The following PAN3 variants were observed in gnomAD, a reference collection of about 807,000 sequenced individuals.
PAN3 encodes poly(A) specific ribonuclease subunit PAN3.
A neutral mutation model predicts 96.2 loss-of-function variants in PAN3; 19 were observed. The observed-to-expected ratio is 0.20, with a 90% CI of 0.14 to 0.29. The LOEUF (loss-of-function observed/expected upper bound fraction) is 0.29, where lower values mean the gene tolerates loss of function less well. PAN3 is among the 10% of genes least tolerant of loss of function. The pLI is 1.00. For synonymous variants in PAN3, 433 were observed against 406.6 expected (o/e 1.06, Z -0.78); for missense variants, 882 against 1,108.1 (o/e 0.80, Z 2.90).
chr13:28,220,285 C>G lies in PAN3; in HGVS notation c.907C>G (p.Leu303Val). ...TCCTAAAGGAGGATCAACCTCCAGG[C>G]TGAGTAACGTGTCCCAGTCAAATAT... ...FIPKGGSTSR[L>V]SNVSQSNMSA... Residue 303 changes from leucine (L) to valine (V), a missense_variant, in exon 6 of 19, where the codon CTG (leucine) becomes GTG (valine). Leu to Val is a conservative substitution (Grantham distance 32, BLOSUM62 1). Coordinates refer to ENST00000380958, the MANE Select transcript of PAN3 (RefSeq NM_175854.8). 6.2e-7 allele frequency: 1 copy of G among 1,613,828 alleles called. No individual in the cohort carries two copies. Among genetic ancestry groups the G allele is most frequent in the Non-Finnish European group, 8.5e-7 (1 of 1,179,748 alleles).
intron 5 of PAN3, chr13:28,215,198 G>A: frequency 1.4e-6 from 1 of 713,682 alleles, no homozygotes; most frequent in Non-Finnish European, 2.6e-6. Context: ...GAACCACACT[G>A]CTTGAGGCTC....
chr13:28,143,212 CTG>C lies in PAN3; in HGVS notation c.430+4126_430+4127del, dbSNP rs530988865. ...CAAGTGATCCTAGCACCTCAGCCTC[CTG>C]AGTAGCTGGGACTACAGGTATGCCG... On this transcript the variant is annotated intron_variant, in intron 1 of 18. Coordinates refer to ENST00000380958, the MANE Select transcript of PAN3 (RefSeq NM_175854.8). Among the ~76,000 whole-genome samples, 277 of 152,154 alleles carry C rather than the reference CTG, an allele frequency of 1.8e-3. 3 individuals are homozygous for C. Among genetic ancestry groups the C allele is most frequent in the South Asian group, 0.017 (81 of 4,828 alleles).
intron 6 of PAN3, among the ~76,000 whole-genome samples, chr13:28,241,767 G>T (rs1883686681): frequency 1.3e-5 from 2 of 152,122 alleles, no homozygotes; most frequent in Admixed American, 1.3e-4. Flanking sequence ...ATAAGTATTT[G>T]TAGTAGTAGC....
chr13:28,281,436 A>C, intron 17 of PAN3, 57 bp downstream of exon 17: 1 of 1,415,668 alleles, frequency 7.1e-7, no homozygotes, highest in Non-Finnish European at 9.9e-7. Context: ...ATTTTGCATA[A>C]TAAGAATAAG....
Position 28,202,658 on chromosome 13 carries a change from T to TACAC in PAN3, c.852+5330_852+5333dup, listed in dbSNP as rs140754799. ...AGGCAGGATAGAATATATATATGTA[T>TACAC]ACACACACACACACACACACAATTT... On this transcript the variant is annotated intron_variant, in intron 5 of 18. Transcript: ENST00000380958. Among the ~76,000 whole-genome samples, 559 of 150,100 alleles carry TACAC rather than the reference T, an allele frequency of 3.7e-3. 3 individuals are homozygous for TACAC. Among genetic ancestry groups the TACAC allele is most frequent in the African/African-American group, 0.012 (509 of 40,930 alleles).
intron 5 of PAN3, among the ~76,000 whole-genome samples, chr13:28,198,102 G>T (rs564277319): frequency 1.3e-5 from 2 of 151,790 alleles, no homozygotes; most frequent in African/African-American, 2.4e-5. Flanking sequence ...GTGAAACCCC[G>T]TCTCTACAAA....
intron 1 of PAN3, among the ~76,000 whole-genome samples, chr13:28,145,295 CTT>C (rs1284313953): frequency 6.6e-6 from 1 of 151,988 alleles, no homozygotes; most frequent in Non-Finnish European, 1.5e-5. Flanking sequence ...TCGTGCCTAA[CTT>C]AATGGTTTGG....
chr13:28,280,189 A>C (rs1451239400), intron 15 of PAN3, among the ~76,000 whole-genome samples: 9 of 152,218 alleles, frequency 5.9e-5, no homozygotes. Context: ...CATAGTAGTG[A>C]AAATGTAGAG....
chr13:28,280,652 C>T, intron 16 of PAN3, 111 bp downstream of exon 16: 2 of 1,032,964 alleles, frequency 1.9e-6, no homozygotes, highest in Non-Finnish European at 2.7e-6. Flanking sequence ...ACCTCTGCCT[C>T]CTGGGTTCAA....
intron 14 of PAN3, among the ~76,000 whole-genome samples, chr13:28,273,655 A>G (rs1886823593): frequency 6.6e-6 from 1 of 152,210 alleles, no homozygotes; most frequent in South Asian, 2.1e-4. Context: ...AAGTAACAAA[A>G]CTAAAGTAAA....
Position 28,260,498 on chromosome 13 carries a change from A to G in PAN3, c.1300A>G (p.Met434Val). Residue 434 changes from methionine (M) to valine (V), a missense_variant, in exon 8 of 19, where the codon ATG becomes GTG. This residue lies in a region of PAN3 where 364 missense variants were observed against 513.6 expected (regional missense o/e 0.71). Transcript: ENST00000380958. ...YPPTAPHVAY[M>V]QPKANAPSFF... The stretch of plus-strand genomic sequence containing the variant: ...TCCAACTGCACCTCACGTTGCTTAT[A>G]TGCAACCGAAAGCAAACGCACCTTC... The G allele has an allele frequency of 2.5e-6, 4 of 1,613,798 alleles. No individual in the cohort carries two copies. The highest frequency in any genetic ancestry group is 3.4e-6 in the Non-Finnish European group (4 of 1,179,734).
chr13:28,248,158 T>C (rs1884385623), intron 6 of PAN3, among the ~76,000 whole-genome samples: 1 of 152,192 alleles, frequency 6.6e-6, no homozygotes, highest in South Asian at 2.1e-4. Flanking sequence ...TATTCCTAGA[T>C]ATTCTATATT....
chr13:28,282,960 G>T (rs928553079), intron 17 of PAN3, among the ~76,000 whole-genome samples: 4 of 151,788 alleles, frequency 2.6e-5, no homozygotes, highest in African/African-American at 9.7e-5. Flanking sequence ...AGTTTTTTTA[G>T]TCTTGCAAGT....
rs1238828455 is a variant in PAN3, at chr13:28,294,743, A to G, written c.*2221A>G. On this transcript the variant is annotated 3_prime_UTR_variant, in exon 19 of 19. Transcript: ENST00000380958. ...GTTAACCTCAGGACTTGGTTTGCATATAAAAGGTAGACAGCTGATATGTTT... is the reference window on the plus strand; with the variant it reads ...GTTAACCTCAGGACTTGGTTTGCATGTAAAAGGTAGACAGCTGATATGTTT... 2 of 152,640 alleles carry G rather than the reference A, an allele frequency of 1.3e-5. No individual in the cohort carries two copies. The highest frequency in any genetic ancestry group is 2.9e-5 in the Non-Finnish European group (2 of 68,036). The allele number at this position is 152,640 out of a possible 1,614,324, so 9.5% of individuals were successfully genotyped here.
chr13:28,139,407 T>G (rs535892476), intron 1 of PAN3, among the ~76,000 whole-genome samples: 1 of 135,168 alleles, frequency 7.4e-6, no homozygotes, highest in South Asian at 2.8e-4. Flanking sequence ...GGGTGTCGTT[T>G]CCGGGGGGTG....
intron 6 of PAN3, among the ~76,000 whole-genome samples, chr13:28,243,244 C>G (rs1883850348): frequency 6.6e-6 from 1 of 152,156 alleles, no homozygotes; most frequent in Non-Finnish European, 1.5e-5. Context: ...GGATGATCTT[C>G]ACTCTGGAAT....
intron 3 of PAN3, among the ~76,000 whole-genome samples, chr13:28,177,431 G>C (rs1875166339): frequency 6.6e-6 from 1 of 152,292 alleles, no homozygotes; most frequent in East Asian, 1.9e-4. Context: ...AAGCCTTGCT[G>C]ATGTGTTGAA....
intron 7 of PAN3, among the ~76,000 whole-genome samples, chr13:28,259,302 T>G (rs1028544075): frequency 6.6e-6 from 1 of 151,382 alleles, no homozygotes; most frequent in African/African-American, 2.4e-5. Flanking sequence ...TAATTTGTGT[T>G]TTTTTTGTTG....
intron 6 of PAN3, among the ~76,000 whole-genome samples, chr13:28,224,045 G>T (rs1190977442): frequency 6.7e-6 from 1 of 150,294 alleles, no homozygotes; most frequent in Non-Finnish European, 1.5e-5. Context: ...ATTTTTTTTT[G>T]TATTTTTAGT....
Sources: gnomAD v4.1 joint callset for allele counts (sites outside exome capture counted in the v4.1 genomes callset) on GRCh38, gnomAD v4.1.1 for gene constraint, gnomAD v4.1.1 regional missense constraint, MANE v1.5 for transcripts, NCBI Gene and HGNC (gene_info 2026-07-23, HGNC 2026-07-21) for gene names.